The following C4orf51 variants were observed in gnomAD, a reference collection of about 807,000 sequenced individuals.
The protein encoded by C4orf51 is uncharacterized protein C4orf51.
C4orf51 carries 25 observed loss-of-function variants against 25.2 expected under a neutral mutation model. The observed-to-expected ratio is 0.99, with a 90% CI of 0.72 to 1.39. C4orf51 has a LOEUF of 1.39. Ranked by LOEUF, C4orf51 falls within the 40% of genes most tolerant of loss-of-function variation. C4orf51 has a pLI of 0.00. For synonymous variants in C4orf51, 100 were observed against 84.5 expected (o/e 1.18, Z -1.01); for missense variants, 252 against 239.6 (o/e 1.05, Z -0.34).
At chr4:145,717,680 A>G (rs1731494320) in intron 2 of C4orf51, among the ~76,000 whole-genome samples, 1 of 152,232 alleles carries the variant, frequency 6.6e-6, no homozygotes, top group South Asian at 2.1e-4. Context: ...ATTCATGATC[A>G]TCATAGGAGA....
chr4:145,781,602 A>T, the C4orf51 span, among the ~76,000 whole-genome samples: 1 of 152,194 alleles, frequency 6.6e-6, no homozygotes. Context: ...GTGACTAAAA[A>T]CCTCTAAAGG....
chr4:145,695,459 C>T (rs916517947), intron 1 of C4orf51, among the ~76,000 whole-genome samples: 7 of 151,856 alleles, frequency 4.6e-5, no homozygotes, highest in Non-Finnish European at 8.8e-5. Context: ...AATTTAAGTC[C>T]CTTTAGATGC....
downstream of C4orf51, among the ~76,000 whole-genome samples, chr4:145,771,941 C>T (rs913903095): frequency 6.6e-6 from 1 of 152,204 alleles, no homozygotes; most frequent in African/African-American, 2.4e-5. Context: ...ATCTTCTGCG[C>T]ATCTGAAAAT....
At chr4:145,716,763 C>T (rs900176839) in intron 2 of C4orf51, among the ~76,000 whole-genome samples, 5 of 152,058 alleles carry the variant, frequency 3.3e-5, no homozygotes, top group Admixed American at 6.6e-5. Context: ...TTGATGGTTG[C>T]CTTGGATGAT....
intron 1 of C4orf51, chr4:145,760,740 C>CTT: frequency 2.1e-6 from 1 of 478,334 alleles, no homozygotes; most frequent in Non-Finnish European, 2.6e-6. Flanking sequence ...TTTTTTTTGT[C>CTT]TTTTGTCTCT....
At chr4:145,705,198 C>T (rs894105342) in intron 2 of C4orf51, among the ~76,000 whole-genome samples, 8 of 152,214 alleles carry the variant, frequency 5.3e-5, no homozygotes, top group African/African-American at 1.9e-4. Context: ...AATTTTGCCT[C>T]TTAATGTGCA....
intron 1 of C4orf51, among the ~76,000 whole-genome samples, chr4:145,738,545 A>AT (rs1267782161): frequency 2.6e-5 from 4 of 151,728 alleles, no homozygotes; most frequent in Admixed American, 1.3e-4. Context: ...TGTTAATTAT[A>AT]TTTTTTTTCT....
chr4:145,733,321 T>A (rs962939474), downstream of C4orf51, among the ~76,000 whole-genome samples: 1 of 151,912 alleles, frequency 6.6e-6, no homozygotes, highest in East Asian at 1.9e-4. Context: ...CTCCTGCTGA[T>A]TCCCCCCCAC....
downstream of C4orf51, chr4:145,775,740 A>G: frequency 6.2e-7 from 1 of 1,607,602 alleles, no homozygotes; most frequent in Non-Finnish European, 8.5e-7. Flanking sequence ...GAAGTGTTGA[A>G]GTCAAGAGTC....
chr4:145,687,011 C>A (rs11737020), intron 1 of C4orf51, among the ~76,000 whole-genome samples: 1 of 98,340 alleles, frequency 1.0e-5, no homozygotes, highest in South Asian at 2.8e-4. Context: ...GTGGGGGGGG[C>A]GGTTTCCTTC....
intron 2 of C4orf51, among the ~76,000 whole-genome samples, chr4:145,702,882 C>T (rs973267699): frequency 2.6e-5 from 4 of 151,526 alleles, no homozygotes; most frequent in Non-Finnish European, 4.4e-5. Context: ...ACAAGACCTC[C>T]CTTCAGCTTA....
At chr4:145,682,194 G>A (rs1188809023) in intron 1 of C4orf51, among the ~76,000 whole-genome samples, 2 of 152,008 alleles carry the variant, frequency 1.3e-5, no homozygotes, top group African/African-American at 2.4e-5. Flanking sequence ...GAGCTTGTGA[G>A]GTTCATCTGT....
At chr4:145,702,731 A>T (rs1243797050) in intron 2 of C4orf51, among the ~76,000 whole-genome samples, 3 of 152,122 alleles carry the variant, frequency 2.0e-5, no homozygotes, top group African/African-American at 7.2e-5. Flanking sequence ...AGGTCCTCCC[A>T]ATTCTTAGAC....
the C4orf51 span, among the ~76,000 whole-genome samples, chr4:145,785,895 T>C: frequency 6.6e-6 from 1 of 152,252 alleles, no homozygotes; most frequent in African/African-American, 2.4e-5. Flanking sequence ...ATCCAGACAC[T>C]AGCACTTTTC....
chr4:145,784,755 C>A, the C4orf51 span, among the ~76,000 whole-genome samples: 1,400 of 152,250 alleles, frequency 9.2e-3, 12 homozygotes, highest in Non-Finnish European at 0.011. Context: ...ATCTTGATTC[C>A]CACATCCCTT....
At chr4:145,754,434 T>C (rs1733831995), downstream of C4orf51, 1 of 152,200 alleles carries the variant, frequency 6.6e-6, no homozygotes, top group East Asian at 1.9e-4. Flanking sequence ...GTGGCACTGG[T>C]GACTTTGAGG....
At chr4:145,698,783 T>C (rs1578946534) in intron 2 of C4orf51, among the ~76,000 whole-genome samples, 1 of 152,182 alleles carries the variant, frequency 6.6e-6, no homozygotes, top group East Asian at 1.9e-4. Context: ...ATTTTATTTT[T>C]GGTTTACAAG....
rs1443439955 is a variant in C4orf51 at position 145,680,358 on chromosome 4, A to G, written c.155A>G (p.Tyr52Cys). Residue 52 changes from tyrosine to cysteine, a missense_variant, in exon 1 of 6, where the codon TAC (tyrosine) becomes TGC (cysteine). Tyr to Cys is a radical substitution (Grantham distance 194). Coordinates refer to ENST00000438731, the MANE Select transcript of C4orf51 (RefSeq NM_001080531.3). ...DSSVTTYTGS[Y>C]RKKQLDKSMC... ...TCCGTGACAACATACACAGGCAGTT[A>G]CCGGAAAAAACAACTGGACAAGTCC... 8.7e-6 allele frequency: 14 copies of G among 1,613,856 alleles called. No homozygotes were observed. Among genetic ancestry groups the G allele is most frequent in the Non-Finnish European group, 1.2e-5 (14 of 1,179,872 alleles).
chr4:145,752,948 A>C (rs995769729), intron 1 of C4orf51, among the ~76,000 whole-genome samples: 1 of 149,206 alleles, frequency 6.7e-6, no homozygotes, highest in African/African-American at 2.6e-5. Flanking sequence ...GCAGGGTCCC[A>C]CAATCGCTGT....
Sources: allele counts gnomAD v4.1 joint callset (sites outside exome capture counted in the v4.1 genomes callset), GRCh38; gene constraint gnomAD v4.1.1; transcripts MANE v1.5; gene names NCBI Gene and HGNC (gene_info 2026-07-23, HGNC 2026-07-21).